Variants in SPATA13 observed in about 807,000 individuals in gnomAD.
SPATA13 encodes the protein spermatogenesis-associated protein 13.
In SPATA13, 50 loss-of-function variants were observed where a neutral mutation model predicts 104.0. The ratio of observed to expected loss-of-function variants is 0.48; its 90% confidence interval spans 0.38 to 0.61. The LOEUF is 0.61. Ranked by LOEUF, SPATA13 falls within the 20% of genes least tolerant of loss-of-function variation. The pLI is 0.00. For missense variants in SPATA13, 1,524 were observed against 1,690.6 expected (o/e 0.90, Z 1.73); for synonymous variants, 606 against 667.5 (o/e 0.91, Z 1.42).
intron 3 of SPATA13, among the ~76,000 whole-genome samples, chr13:24,154,789 T>C (rs949380881): frequency 2.0e-5 from 3 of 152,188 alleles, no homozygotes; most frequent in African/African-American, 7.2e-5. Flanking sequence ...TGGGGGAGAA[T>C]TTGCTCCCAA....
rs928834503 is a variant in SPATA13, at chr13:23,995,493, A to G, written c.-147+11560A>G. ...AGATGGGAAGGAAATAACAGAGGTC[A>G]GGTCTGGCAGGGGCCCTAATTGGCA... On this transcript the variant is annotated intron_variant, in intron 2 of 14. Transcript: ENST00000424834. Among the ~76,000 whole-genome samples, 4 of 152,264 alleles carry G rather than the reference A, an allele frequency of 2.6e-5. No individual in the cohort carries two copies. The East Asian group carries it at 7.7e-4, about 29-fold the overall frequency.
At chr13:24,214,519 C>A (rs537615674) in intron 1 of SPATA13, among the ~76,000 whole-genome samples, 1 of 152,322 alleles carries the variant, frequency 6.6e-6, no homozygotes, top group South Asian at 2.1e-4. Flanking sequence ...ATGGAGAAAG[C>A]TGGGTTCAGG....
upstream of SPATA13, among the ~76,000 whole-genome samples, chr13:24,156,828 T>C (rs112731903): frequency 1.3e-5 from 2 of 152,186 alleles, no homozygotes; most frequent in East Asian, 1.9e-4. Flanking sequence ...AGAACCCACA[T>C]GGACAGAGAG....
Position 24,224,088 on chromosome 13 carries a change from T to A in SPATA13, c.1159T>A (p.Cys387Ser). The change falls in exon 2 of 13, where the codon TGC becomes AGC. Residue 387 changes from cysteine to serine, a missense_variant. By Grantham distance (112) the Cys-to-Ser change is moderately radical. This residue lies in a region of SPATA13 where 1,089 missense variants were observed against 1,135.9 expected (regional missense o/e 0.96). Transcript: ENST00000382108. ...GGTCATGCATGGGACCACTGCAACC[T>A]GCACCGTGGCCCCCGGTTTCGGCTC... is the stretch of plus-strand genomic sequence containing the variant. Reference protein sequence around the residue: ...GAVMHGTTATCTVAPGFGSAT... With the variant: ...GAVMHGTTATSTVAPGFGSAT... 6.4e-7 allele frequency: 1 copy of A among 1,551,214 alleles called. No individual in the cohort carries two copies. The highest frequency in any genetic ancestry group is 8.7e-7 in the Non-Finnish European group (1 of 1,146,930).
intron 1 of SPATA13, among the ~76,000 whole-genome samples, chr13:24,197,834 C>T (rs1870153079): frequency 1.3e-5 from 2 of 152,044 alleles, no homozygotes; most frequent in African/African-American, 2.4e-5. Flanking sequence ...CTTAGACTTC[C>T]ATTGTGTTCC....
intron 3 of SPATA13, among the ~76,000 whole-genome samples, chr13:24,018,323 G>A (rs4769306): frequency 0.046 from 6,944 of 152,278 alleles, 227 homozygotes; most frequent in Non-Finnish European, 0.07. Flanking sequence ...TGGACAAATA[G>A]AAATGTTGCA....
intron 2 of SPATA13, among the ~76,000 whole-genome samples, chr13:24,003,904 A>T (rs931639813): frequency 1.4e-4 from 22 of 152,120 alleles, no homozygotes; most frequent in African/African-American, 5.3e-4. Context: ...AACAAGAACC[A>T]ATACAGCAGA....
chr13:24,157,162 C>G (rs527641153), upstream of SPATA13, among the ~76,000 whole-genome samples: 24 of 152,284 alleles, frequency 1.6e-4, no homozygotes, highest in Admixed American at 2.6e-4. Context: ...TTTCTCCCAG[C>G]CGTAGTCTGG....
At chr13:24,229,934 A>G (rs373337603) in intron 2 of SPATA13, among the ~76,000 whole-genome samples, 1 of 152,222 alleles carries the variant, frequency 6.6e-6, no homozygotes, top group Non-Finnish European at 1.5e-5. Context: ...GCAAAATGCT[A>G]TGGGTTTCAG....
chr13:23,991,874 G>A (rs1875431439), intron 2 of SPATA13, among the ~76,000 whole-genome samples: 2 of 152,108 alleles, frequency 1.3e-5, no homozygotes, highest in Admixed American at 1.3e-4. Context: ...GCCAAGCAGT[G>A]GTGAATGAGA....
rs1877393657 is a variant in SPATA13, at chr13:24,303,903, C to G, written c.*1130C>G. 1 of 152,124 alleles carries G rather than the reference C, an allele frequency of 6.6e-6. No homozygotes were observed. The highest frequency in any genetic ancestry group is 2.4e-5 in the African/African-American group (1 of 41,446). 9.4% of individuals were successfully genotyped at this position (152,124 alleles called of 1,614,324 possible). ...CCTGGGAGATACAGCGAGACTGTCT[C>G]CAAAAACAAAAACAAAAACAAAAAA... is the stretch of plus-strand genomic sequence containing the variant. On this transcript the variant is annotated 3_prime_UTR_variant, in exon 13 of 13. Coordinates refer to ENST00000382108, the MANE Select transcript of SPATA13 (RefSeq NM_001166271.3).
At chr13:24,300,631 G>C in intron 12 of SPATA13, 156 bp downstream of exon 12, 1 of 671,754 alleles carries the variant, frequency 1.5e-6, no homozygotes, top group South Asian at 1.7e-5. Flanking sequence ...GCCAGGTGAA[G>C]GTGGCCTGTG....
rs570054264 is a variant in SPATA13 at position 24,260,066 on chromosome 13, T to C, written c.2164+8204T>C. On this transcript the variant is annotated intron_variant, in intron 4 of 12. Transcript: ENST00000382108. ...AGAGGCTGGGCAGTTCTGAGGAAGCTAGAGAGTGTTCCTACAGAGCTGCCA... is the reference window on the plus strand; with the variant it reads ...AGAGGCTGGGCAGTTCTGAGGAAGCCAGAGAGTGTTCCTACAGAGCTGCCA... Among the ~76,000 whole-genome samples, 10 of 152,246 alleles carry C rather than the reference T, an allele frequency of 6.6e-5. No homozygotes were observed. In the East Asian group the frequency reaches 1.7e-3, roughly 26 times the overall value.
In SPATA13 at chr13:24,304,446, T is replaced by A. The variant is rs1401922226; in HGVS notation, c.*1673T>A. The stretch of plus-strand genomic sequence containing the variant: ...TCTATATGAGAAGCTCATTTTTGTA[T>A]GCTATCCCTGCAGTTTTTTTTTTTC... On this transcript the variant is annotated 3_prime_UTR_variant, in exon 13 of 13. Transcript: ENST00000382108. The A allele has an allele frequency of 2.0e-5, 3 of 151,812 alleles. No homozygotes were observed. The highest frequency in any genetic ancestry group is 7.3e-5 in the African/African-American group (3 of 41,218). 9.4% of individuals were successfully genotyped at this position (151,812 alleles called of 1,614,324 possible).
At chr13:24,151,352 C>T (rs1265837204) in intron 3 of SPATA13, among the ~76,000 whole-genome samples, 3 of 152,156 alleles carry the variant, frequency 2.0e-5, no homozygotes, top group Non-Finnish European at 4.4e-5. Flanking sequence ...GCTCAGTTTC[C>T]CCATTTGTAA....
chr13:24,134,590 A>G (rs1881496865), intron 3 of SPATA13, among the ~76,000 whole-genome samples: 2 of 152,296 alleles, frequency 1.3e-5, no homozygotes, highest in South Asian at 4.2e-4. Flanking sequence ...GGGGAGTAGC[A>G]GGGGAACATC....
Position 24,303,943 on chromosome 13 carries a change from T to C in SPATA13, c.*1170T>C, listed in dbSNP as rs1342986443. The C allele has an allele frequency of 6.6e-6, 1 of 152,196 alleles. No homozygotes were observed. The highest frequency in any genetic ancestry group is 1.9e-4 in the East Asian group (1 of 5,198). The allele number at this position is 152,196 out of a possible 1,614,324, so 9.4% of individuals were successfully genotyped here. ...AAAACAAAAAACATTCAAACAACTG[T>C]TTGCAATATAAAAAGCTCATTTACT... On this transcript the variant is annotated 3_prime_UTR_variant, in exon 13 of 13. Coordinates refer to ENST00000382108, the MANE Select transcript of SPATA13 (RefSeq NM_001166271.3).
chr13:24,296,119 TAACTGA>T (rs1205379693), intron 10 of SPATA13, among the ~76,000 whole-genome samples: 2 of 152,246 alleles, frequency 1.3e-5, no homozygotes, highest in Non-Finnish European at 2.9e-5. Flanking sequence ...GTTAGGTTTT[TAACTGA>T]AATAGGCTAT....
intron 1 of SPATA13, among the ~76,000 whole-genome samples, chr13:24,175,797 G>A (rs1361373690): frequency 6.6e-6 from 1 of 152,200 alleles, no homozygotes; most frequent in Non-Finnish European, 1.5e-5. Context: ...ACGGATCTAG[G>A]TGTCATTTTT....
Sources: gnomAD v4.1 joint callset for allele counts (sites outside exome capture counted in the v4.1 genomes callset) on GRCh38, gnomAD v4.1.1 for gene constraint, gnomAD v4.1.1 regional missense constraint, MANE v1.5 for transcripts, NCBI Gene and HGNC (gene_info 2026-07-23, HGNC 2026-07-21) for gene names.